Variants in CAST observed in about 807,000 individuals in gnomAD.
The protein encoded by CAST is calpastatin, also known as MIR583 host.
CAST carries 76 observed loss-of-function variants against 119.6 expected under a neutral mutation model. The ratio of observed to expected loss-of-function variants is 0.64; its 90% CI spans 0.53 to 0.77. The LOEUF is 0.77. CAST is among the 30% of genes least tolerant of loss of function. CAST has a pLI of 0.00. For missense variants in CAST, 953 were observed against 946.5 expected (o/e 1.01, Z -0.09); for synonymous variants, 319 against 331.6 (o/e 0.96, Z 0.41).
the CAST span, among the ~76,000 whole-genome samples, chr5:96,053,342 A>G: frequency 6.6e-6 from 1 of 152,212 alleles, no homozygotes; most frequent in East Asian, 1.9e-4. Context: ...AATGACCTCT[A>G]GACTTCTTTT....
intron 22 of CAST, chr5:96,755,011 G>T: frequency 8.5e-6 from 2 of 234,676 alleles, no homozygotes; most frequent in South Asian, 8.1e-5. Flanking sequence ...TACAATACCA[G>T]AAATATTAAA....
the CAST span, chr5:96,432,816 C>T: frequency 5.2e-6 from 8 of 1,540,792 alleles, no homozygotes; most frequent in Non-Finnish European, 5.4e-6. Context: ...CCAGTCCCGC[C>T]AGTCCCCTGG....
intron 15 of CAST, 80 bp from the exon 16 acceptor site, chr5:96,742,575 G>A (rs775772277): frequency 6.6e-6 from 6 of 908,236 alleles, no homozygotes; most frequent in Non-Finnish European, 1.1e-5. Context: ...AATCTAAAAT[G>A]TATTTTACAA....
the CAST span, among the ~76,000 whole-genome samples, chr5:95,985,530 G>A: frequency 3.3e-5 from 5 of 152,312 alleles, no homozygotes; most frequent in Admixed American, 3.3e-4. Context: ...GAAGTGAGGA[G>A]TTGAGCTTTC....
At chr5:96,116,115 C>T in the CAST span, among the ~76,000 whole-genome samples, 1 of 152,014 alleles carries the variant, frequency 6.6e-6, no homozygotes, top group Non-Finnish European at 1.5e-5. Flanking sequence ...TTCTCCTGAC[C>T]TCTGGCTCCA....
the CAST span, among the ~76,000 whole-genome samples, chr5:96,518,636 C>A: frequency 3.3e-5 from 5 of 152,272 alleles, 1 homozygote; most frequent in African/African-American, 1.2e-4. Context: ...TTCCTGGTGA[C>A]CGTAGCAGGC....
the CAST span, among the ~76,000 whole-genome samples, chr5:96,493,275 T>A: frequency 1.3e-5 from 2 of 152,230 alleles, no homozygotes; most frequent in East Asian, 3.8e-4. Flanking sequence ...TATGCCATTT[T>A]CACTTCTCTT....
intron 4 of CAST, among the ~76,000 whole-genome samples, chr5:96,724,555 G>T (rs1758897838): frequency 1.3e-5 from 2 of 152,120 alleles, no homozygotes; most frequent in Non-Finnish European, 2.9e-5. Flanking sequence ...TTAAGACCAG[G>T]CATAGTGGCC....
the CAST span, among the ~76,000 whole-genome samples, chr5:96,440,174 C>CTTTTTTTTTTTTTT: frequency 7.0e-6 from 1 of 143,268 alleles, no homozygotes; most frequent in Non-Finnish European, 1.5e-5. Flanking sequence ...TTTATCCCAC[C>CTTTTTTTTTTTTTT]TTTTTTTTTT....
chr5:96,633,487 G>A (rs1007212365), intron 1 of CAST, among the ~76,000 whole-genome samples: 1 of 152,078 alleles, frequency 6.6e-6, no homozygotes, highest in Admixed American at 6.6e-5. Context: ...TAAATTGAAT[G>A]TTTTCTTAAT....
the CAST span, among the ~76,000 whole-genome samples, chr5:96,129,786 T>C: frequency 3.9e-5 from 6 of 151,986 alleles, no homozygotes; most frequent in Non-Finnish European, 4.4e-5. Flanking sequence ...ATTTAGAAAA[T>C]GGAACAAAAC....
the CAST span, among the ~76,000 whole-genome samples, chr5:96,321,662 G>A: frequency 2.6e-5 from 4 of 152,188 alleles, no homozygotes; most frequent in African/African-American, 9.6e-5. Flanking sequence ...TCCCAAGGAG[G>A]CAAATTGCCC....
the CAST span, among the ~76,000 whole-genome samples, chr5:96,056,175 A>G: frequency 6.6e-6 from 1 of 152,186 alleles, no homozygotes; most frequent in Non-Finnish European, 1.5e-5. Flanking sequence ...AAAAAATACT[A>G]AACAAGTATC....
chr5:96,317,548 AT>A, the CAST span, among the ~76,000 whole-genome samples: 1 of 150,806 alleles, frequency 6.6e-6, no homozygotes, highest in African/African-American at 2.4e-5. Flanking sequence ...AACCTAGCAT[AT>A]TTTGTTCTGT....
chr5:96,011,145 A>G, the CAST span, among the ~76,000 whole-genome samples: 1 of 152,192 alleles, frequency 6.6e-6, no homozygotes, highest in South Asian at 2.1e-4. Context: ...ATATTAAATT[A>G]CCAGCATCCA....
chr5:96,502,037 T>C, the CAST span, among the ~76,000 whole-genome samples: 1 of 152,152 alleles, frequency 6.6e-6, no homozygotes, highest in Non-Finnish European at 1.5e-5. Context: ...CACAGGACTT[T>C]ATTTTTCTCA....
the CAST span, among the ~76,000 whole-genome samples, chr5:96,492,753 T>G: frequency 6.6e-6 from 1 of 152,180 alleles, no homozygotes; most frequent in Non-Finnish European, 1.5e-5. Context: ...CACATGGAAG[T>G]AGATAAAACT....
chr5:96,398,851 T>C, the CAST span: 2 of 1,583,730 alleles, frequency 1.3e-6, no homozygotes, highest in Non-Finnish European at 1.7e-6. Context: ...CTTAAAAATA[T>C]AAATGGCTTA....
chr5:96,662,271 C>A, upstream of CAST: 1 of 973,476 alleles, frequency 1.0e-6, no homozygotes, highest in Non-Finnish European at 1.4e-6. Flanking sequence ...CGGCGCAGAC[C>A]TGGGGTGGGG....
Sources: allele counts gnomAD v4.1 joint callset (sites outside exome capture counted in the v4.1 genomes callset), GRCh38; gene constraint gnomAD v4.1.1; transcripts MANE v1.5; gene names NCBI Gene and HGNC (gene_info 2026-07-23, HGNC 2026-07-21).